SMTN: variants seen among roughly 807,000 people sequenced by gnomAD.
SMTN encodes smoothelin.
Under a neutral mutation model 102.0 loss-of-function variants are expected in SMTN, and 58 were observed. The observed-to-expected ratio is 0.57, with a 90% CI of 0.46 to 0.71. The LOEUF is 0.71. SMTN is among the 30% of genes least tolerant of loss of function. The probability of loss-of-function intolerance (pLI) is 0.00; values close to 1 mark genes in which losing one functional copy is unlikely to be tolerated. For synonymous variants in SMTN, 478 were observed against 497.9 expected (o/e 0.96, Z 0.53); for missense variants, 1,185 against 1,241.7 (o/e 0.95, Z 0.69).
intron 2 of SMTN, chr22:31,084,897 G>C: frequency 1.6e-6 from 2 of 1,225,090 alleles, no homozygotes; most frequent in South Asian, 2.0e-5. Flanking sequence ...GCCCCCGCTG[G>C]CCTCGTGGCA....
At chr22:31,100,846 C>T (rs1226911867) in intron 19 of SMTN, 39 bp from the exon 20 acceptor site, 1 of 859,572 alleles carries the variant, frequency 1.2e-6, no homozygotes, top group East Asian at 2.8e-5. Context: ...GCCTCCTGCC[C>T]CCGTCCCCCA....
chr22:31,082,750 T>A (rs896906696), intron 1 of SMTN: 7 of 976,810 alleles, frequency 7.2e-6, no homozygotes, highest in Non-Finnish European at 1.1e-5. Context: ...AGCCAGAAGC[T>A]GAGCCTGCGG....
chr22:31,069,690 G>C (rs146474051), intron 1 of SMTN, among the ~76,000 whole-genome samples: 1 of 152,186 alleles, frequency 6.6e-6, no homozygotes, highest in Non-Finnish European at 1.5e-5. Flanking sequence ...CGAACTCACG[G>C]CCACAGGCAC....
At chr22:31,097,989 GC>G (rs946651080) in intron 16 of SMTN, among the ~76,000 whole-genome samples, 1 of 152,208 alleles carries the variant, frequency 6.6e-6, no homozygotes, top group African/African-American at 2.4e-5. Flanking sequence ...TGGTGGCACT[GC>G]CACTTCCCAG....
At chr22:31,098,943 T>C in intron 17 of SMTN, 103 bp downstream of exon 17, 3 of 1,536,862 alleles carry the variant, frequency 2.0e-6, no homozygotes, top group South Asian at 2.2e-5. Flanking sequence ...ACCGCGCGGC[T>C]AGATCTGTGG....
Position 31,099,788 on chromosome 22 carries a change from T to C in SMTN, c.2495T>C (p.Met832Thr). ...TTCTCCTCCAGCTGGAGTGATGGGA[T>C]GGCCTTCTGTGCCCTGGTGCACAAC... is the stretch of plus-strand genomic sequence containing the variant. ...QNFSSSWSDG[M>T]AFCALVHNFF... Residue 832 changes from methionine to threonine, a missense_variant, in exon 19 of 21, where the codon ATG becomes ACG. This residue lies in a region of SMTN where 89 missense variants were observed against 128.9 expected (regional missense o/e 0.69). Coordinates refer to ENST00000333137, the MANE Select transcript of SMTN (RefSeq NM_134269.3). The C allele has an allele frequency of 7.4e-6, 12 of 1,614,118 alleles. No homozygotes were observed. The highest frequency in any genetic ancestry group is 1.0e-5 in the Non-Finnish European group (12 of 1,179,968).
At chr22:31,082,217 G>A (rs1407139924) in intron 1 of SMTN, 1 of 222,770 alleles carries the variant, frequency 4.5e-6, no homozygotes, top group Non-Finnish European at 9.4e-6. Context: ...CATCCACAGT[G>A]TGCCAGACCA....
chr22:31,093,470 G>A (rs1274622150), intron 11 of SMTN: 2 of 607,668 alleles, frequency 3.3e-6, no homozygotes, highest in African/African-American at 3.6e-5. Context: ...CCAGGGCCTG[G>A]GCCTGAGCTG....
At chr22:31,089,346 A>T (rs1049413621) in intron 6 of SMTN, among the ~76,000 whole-genome samples, 2 of 152,004 alleles carry the variant, frequency 1.3e-5, no homozygotes, top group Non-Finnish European at 2.9e-5. Flanking sequence ...GCAGGACCCC[A>T]CTCCCACTCC....
At chr22:31,074,810 A>G (rs2042090823) in intron 1 of SMTN, among the ~76,000 whole-genome samples, 2 of 150,414 alleles carry the variant, frequency 1.3e-5, no homozygotes, top group South Asian at 4.2e-4. Flanking sequence ...AACAACAAAA[A>G]CAACAACAAC....
At chr22:31,069,653 C>T (rs1021678346) in intron 1 of SMTN, among the ~76,000 whole-genome samples, 1 of 152,116 alleles carries the variant, frequency 6.6e-6, no homozygotes, top group African/African-American at 2.4e-5. Flanking sequence ...ACACCCATGC[C>T]CTGGCAGAGA....
At chr22:31,094,646 G>C (rs1435148741) in intron 11 of SMTN, among the ~76,000 whole-genome samples, 1 of 150,732 alleles carries the variant, frequency 6.6e-6, no homozygotes, top group African/African-American at 2.4e-5. Flanking sequence ...GCTGCCCTGA[G>C]CCTCAGTTTC....
At position 31,089,849 on chromosome 22, in the gene SMTN, T is replaced by G; in HGVS notation, c.622T>G (p.Ser208Ala). The G allele has an allele frequency of 6.2e-7, 1 of 1,613,682 alleles. No individual in the cohort carries two copies. The highest frequency in any genetic ancestry group is 8.5e-7 in the Non-Finnish European group (1 of 1,179,944). The change falls in exon 7 of 21, where the codon TCA (serine) becomes GCA (alanine). Residue 208 changes from serine to alanine, a missense_variant. Around this residue, in one of 2 missense-constraint regions of SMTN, gnomAD observed 1,096 missense variants for 1,112.7 expected, o/e 0.98. Transcript: ENST00000333137. ...CAGCTCACCTGCCTCACCCAGCAGTTCACCCACCCCTGCCTCTCCTGAGCC... is the reference window on the plus strand; with the variant it reads ...CAGCTCACCTGCCTCACCCAGCAGTGCACCCACCCCTGCCTCTCCTGAGCC... ...TSSSPASPSSSPTPASPEPPL... is the reference protein window; with the variant it reads ...TSSSPASPSSAPTPASPEPPL...
chr22:31,091,935 T>C (rs2043171329), intron 11 of SMTN, 88 bp downstream of exon 11: 6 of 1,250,314 alleles, frequency 4.8e-6, no homozygotes, highest in African/African-American at 1.5e-5. Context: ...GTTCCTCTGC[T>C]CCTCCCCTAC....
At chr22:31,089,638 G>T in intron 6 of SMTN, 61 bp from the exon 7 acceptor site, 1 of 1,493,876 alleles carries the variant, frequency 6.7e-7, no homozygotes, top group Non-Finnish European at 9.1e-7. Flanking sequence ...CTGGCCCTCA[G>T]TGGTGGGGGT....
chr22:31,065,955 C>T (rs2041839692), intron 1 of SMTN: 1 of 152,456 alleles, frequency 6.6e-6, no homozygotes, highest in African/African-American at 2.4e-5. Context: ...GTGCTCAGCT[C>T]TGGCCTCTCC....
intron 18 of SMTN, 24 bp downstream of exon 18, chr22:31,099,203 C>A (rs774902252): frequency 6.6e-7 from 1 of 1,520,414 alleles, no homozygotes; most frequent in Non-Finnish European, 9.1e-7. Context: ...GGCCAGGGGG[C>A]CTGGAGGCCT....
rs769856539 is a variant in SMTN at position 31,091,265 on chromosome 22, G to C, written c.1242G>C (p.Glu414Asp). 121 of 1,599,000 alleles carry C rather than the reference G, an allele frequency of 7.6e-5. No homozygotes were observed. The highest frequency in any genetic ancestry group is 9.9e-5 in the Non-Finnish European group (116 of 1,173,190). The change falls in exon 10 of 21, where the codon GAG becomes GAC. Residue 414 changes from glutamate (E) to aspartate (D), a missense_variant. Physicochemically the swap from Glu to Asp is conservative, Grantham distance 45 (BLOSUM62 2). Around this residue, in one of 2 missense-constraint regions of SMTN, gnomAD observed 1,096 missense variants for 1,112.7 expected, o/e 0.98. Coordinates refer to ENST00000333137, the MANE Select transcript of SMTN (RefSeq NM_134269.3). ...AGCTTCGAAGCTGCCCCCAGGAGGA[G>C]GGCCCCAGGGGGCGGGGCTTGGCTG... ...LAQLRSCPQE[E>D]GPRGRGLAAR...
intron 2 of SMTN, among the ~76,000 whole-genome samples, chr22:31,086,465 T>A (rs544618250): frequency 6.6e-6 from 1 of 152,276 alleles, no homozygotes; most frequent in South Asian, 2.1e-4. Context: ...TCACAGGCTC[T>A]CCATAAATGT....
Sources: gnomAD v4.1 joint callset for allele counts (sites outside exome capture counted in the v4.1 genomes callset) on GRCh38, gnomAD v4.1.1 for gene constraint, gnomAD v4.1.1 regional missense constraint, MANE v1.5 for transcripts, NCBI Gene and HGNC (gene_info 2026-07-23, HGNC 2026-07-21) for gene names.